The following AUTS2 variants were observed in gnomAD, a reference collection of about 807,000 sequenced individuals.
The protein encoded by AUTS2 is autism susceptibility gene 2 protein.
A neutral mutation model predicts 112.4 loss-of-function variants in AUTS2; 17 were observed. The observed-to-expected ratio is 0.15, with a 90% CI of 0.10 to 0.23. The LOEUF is 0.23. Among genes scored for constraint, AUTS2 ranks in the 10% least tolerant of loss-of-function variants. The pLI is 1.00. For missense variants in AUTS2, 1,510 were observed against 1,701.6 expected, an observed-to-expected ratio of 0.89 and a Z score of 1.98; for synonymous variants, 751 against 702.7, an observed-to-expected ratio of 1.07 and a Z score of -1.09.
At chr7:70,034,655 T>A (rs76204082) in intron 2 of AUTS2, among the ~76,000 whole-genome samples, 1 of 152,282 alleles carries the variant, frequency 6.6e-6, no homozygotes, top group African/African-American at 2.4e-5. Flanking sequence ...CCAATAGTCT[T>A]GTATTTATTG....
intron 3 of AUTS2, among the ~76,000 whole-genome samples, chr7:70,122,963 C>T (rs1805765454): frequency 6.6e-6 from 1 of 151,454 alleles, no homozygotes; most frequent in African/African-American, 2.4e-5. Context: ...GCAGCCTCCA[C>T]CTCCTGGGTT....
At chr7:70,570,961 A>G (rs1801913229) in intron 5 of AUTS2, among the ~76,000 whole-genome samples, 1 of 152,146 alleles carries the variant, frequency 6.6e-6, no homozygotes, top group South Asian at 2.1e-4. Context: ...ACATTTGCTG[A>G]ACACACCCTG....
At chr7:69,605,948 G>A (rs930245732) in intron 1 of AUTS2, among the ~76,000 whole-genome samples, 3 of 152,196 alleles carry the variant, frequency 2.0e-5, no homozygotes, top group Non-Finnish European at 4.4e-5. Context: ...ATAAGGCAGA[G>A]CATCACTTGA....
chr7:69,933,432 G>T (rs1416587129), intron 2 of AUTS2, among the ~76,000 whole-genome samples: 2 of 152,154 alleles, frequency 1.3e-5, no homozygotes, highest in African/African-American at 4.8e-5. Context: ...ATAGGTCAGT[G>T]TCATTTGGTT....
At chr7:69,912,612 C>T (rs79924685) in intron 2 of AUTS2, among the ~76,000 whole-genome samples, 4,381 of 152,262 alleles carry the variant, frequency 0.029, 106 homozygotes, top group Middle Eastern at 0.068. Context: ...GTTTAAAAAC[C>T]GTTTTCATGG....
chr7:70,711,757 C>G (rs898092893), intron 6 of AUTS2, among the ~76,000 whole-genome samples: 3 of 152,174 alleles, frequency 2.0e-5, no homozygotes, highest in Admixed American at 2.0e-4. Context: ...CAACTGACAT[C>G]CTAGAAGGGG....
At chr7:70,455,300 G>A (rs755483629) in intron 5 of AUTS2, among the ~76,000 whole-genome samples, 1 of 152,156 alleles carries the variant, frequency 6.6e-6, no homozygotes, top group Non-Finnish European at 1.5e-5. Context: ...TGCTTGTGGT[G>A]GGGCCTGGAC....
At position 69,599,781 on chromosome 7, in the gene AUTS2, C is replaced by T. The variant is rs945733678; in HGVS notation, c.128C>T (p.Thr43Ile). Residue 43 changes from threonine (T) to isoleucine (I), a missense_variant, in exon 1 of 19, where the codon ACC becomes ATC. Around this residue, in one of 3 missense-constraint regions of AUTS2, gnomAD observed 535 missense variants for 594.3 expected, o/e 0.90. Coordinates refer to ENST00000342771, the MANE Select transcript of AUTS2 (RefSeq NM_015570.4). The surrounding 1 kb of genome is among the most constrained non-coding windows in gnomAD (Gnocchi z 7.0). ...GCCGGCGGCGGCGGGGCTGGCCGGA[C>T]CCGGGCGCTCTCACTCGCCTCGTCG... Reference protein sequence around the residue: ...GAAGGGGAGRTRALSLASSSG... With the variant: ...GAAGGGGAGRIRALSLASSSG... The T allele has an allele frequency of 2.0e-6, 3 of 1,535,496 alleles. No homozygotes were observed. The highest frequency in any genetic ancestry group is 2.6e-6 in the Non-Finnish European group (3 of 1,143,126).
intron 5 of AUTS2, among the ~76,000 whole-genome samples, chr7:70,620,990 G>A (rs1804641693): frequency 6.6e-5 from 10 of 152,230 alleles, no homozygotes. Flanking sequence ...TCCAGGGCCT[G>A]AGCTCAGAGC....
chr7:69,803,494 A>G (rs543434568), intron 1 of AUTS2, among the ~76,000 whole-genome samples: 1 of 150,270 alleles, frequency 6.7e-6, no homozygotes, highest in South Asian at 2.1e-4. Context: ...AACACCAAAT[A>G]AAAGTCCTTG....
At chr7:70,769,239 G>A (rs569947940) in intron 10 of AUTS2, among the ~76,000 whole-genome samples, 135 of 152,234 alleles carry the variant, frequency 8.9e-4, no homozygotes, top group African/African-American at 3.0e-3. Context: ...CATGGTCCCC[G>A]CTGTTCTGCT....
chr7:69,709,438 G>A (rs531926444), intron 1 of AUTS2, among the ~76,000 whole-genome samples: 168 of 152,210 alleles, frequency 1.1e-3, no homozygotes, highest in Admixed American at 3.4e-3. Flanking sequence ...CAGTACAGCC[G>A]GAAATTTTCA....
At chr7:70,001,490 G>A in intron 2 of AUTS2, among the ~76,000 whole-genome samples, 1 of 151,926 alleles carries the variant, frequency 6.6e-6, no homozygotes, top group East Asian at 1.9e-4. Flanking sequence ...ATGGTGGTTG[G>A]TATAGTGCTG....
At chr7:70,528,361 G>T (rs1412561379) in intron 5 of AUTS2, among the ~76,000 whole-genome samples, 1 of 152,142 alleles carries the variant, frequency 6.6e-6, no homozygotes, top group Non-Finnish European at 1.5e-5. Flanking sequence ...AGCACGCTGA[G>T]CAGGTACTGC....
At chr7:70,652,542 G>A (rs1195210064) in intron 5 of AUTS2, among the ~76,000 whole-genome samples, 1 of 152,196 alleles carries the variant, frequency 6.6e-6, no homozygotes, top group African/African-American at 2.4e-5. Context: ...GACATCCCCA[G>A]TTGGAAAATG....
chr7:70,720,474 G>A (rs1004255229), intron 6 of AUTS2, among the ~76,000 whole-genome samples: 2 of 152,112 alleles, frequency 1.3e-5, no homozygotes, highest in African/African-American at 4.8e-5. Flanking sequence ...TTCCCCACGG[G>A]CACAGAGCAT....
chr7:70,693,055 T>G (rs1808839117), intron 5 of AUTS2, among the ~76,000 whole-genome samples: 2 of 152,218 alleles, frequency 1.3e-5, no homozygotes, highest in Admixed American at 6.5e-5. Flanking sequence ...ACCTAGGGCT[T>G]GCTTGCTCTT....
At chr7:69,624,120 T>G (rs1439262127) in intron 1 of AUTS2, among the ~76,000 whole-genome samples, 4 of 152,232 alleles carry the variant, frequency 2.6e-5, no homozygotes, top group Non-Finnish European at 5.9e-5. Flanking sequence ...TGTCTATTAA[T>G]GCTCACAGCT....
chr7:70,152,279 A>T (rs758823391), intron 4 of AUTS2, among the ~76,000 whole-genome samples: 45 of 152,174 alleles, frequency 3.0e-4, no homozygotes, highest in Non-Finnish European at 4.6e-4. Flanking sequence ...AATTTGATGA[A>T]AATAGTGCAG....
Sources: allele counts gnomAD v4.1 joint callset (sites outside exome capture counted in the v4.1 genomes callset), GRCh38; gene constraint gnomAD v4.1.1; regional missense constraint gnomAD v4.1.1; non-coding constraint Gnocchi (gnomAD v3.1); transcripts MANE v1.5; gene names NCBI Gene and HGNC (gene_info 2026-07-23, HGNC 2026-07-21).